CFAP299: variants seen among roughly 807,000 people sequenced by gnomAD.
The protein encoded by CFAP299 is cilia- and flagella-associated protein 299.
Under a neutral mutation model 27.0 loss-of-function variants are expected in CFAP299, and 21 were observed. That is an observed-to-expected ratio of 0.78 (90% CI 0.55 to 1.12). The LOEUF is 1.12. Ranked by LOEUF, CFAP299 falls within the 50% of genes most tolerant of loss-of-function variation. The probability of loss-of-function intolerance (pLI) is 0.00; values close to 1 mark genes in which losing one functional copy is unlikely to be tolerated. For synonymous variants in CFAP299, 104 were observed against 98.1 expected (o/e 1.06, Z -0.36); for missense variants, 310 against 276.6 (o/e 1.12, Z -0.86).
chr4:80,617,753 C>G (rs1482580219), intron 3 of CFAP299, among the ~76,000 whole-genome samples: 2 of 152,018 alleles, frequency 1.3e-5, no homozygotes, highest in African/African-American at 4.8e-5. Context: ...GATGAAAGAA[C>G]TAAGGGATAA....
intron 1 of CFAP299, among the ~76,000 whole-genome samples, chr4:80,357,079 A>G (rs748030046): frequency 6.6e-6 from 1 of 152,168 alleles, no homozygotes; most frequent in Non-Finnish European, 1.5e-5. Flanking sequence ...TCTTTTCTGC[A>G]TACTATTGAA....
intron 2 of CFAP299, among the ~76,000 whole-genome samples, chr4:80,517,437 G>A (rs1221735861): frequency 6.6e-6 from 1 of 152,126 alleles, no homozygotes; most frequent in African/African-American, 2.4e-5. Flanking sequence ...CTTTCCTGTT[G>A]TAACTGGAGA....
chr4:80,878,147 A>G (rs951383930), intron 4 of CFAP299, among the ~76,000 whole-genome samples: 29 of 152,140 alleles, frequency 1.9e-4, no homozygotes, highest in Non-Finnish European at 7.4e-5. Context: ...TATAAAAATT[A>G]CATTGCTTGT....
chr4:80,737,496 T>C (rs1382299277), intron 3 of CFAP299, among the ~76,000 whole-genome samples: 1 of 152,168 alleles, frequency 6.6e-6, no homozygotes, highest in Non-Finnish European at 1.5e-5. Context: ...TTTAGATTTC[T>C]TCATGGTTCA....
At position 80,465,804 on chromosome 4, in the gene CFAP299, T is replaced by C. The variant is rs529242936; in HGVS notation, c.242+102920T>C. Among the ~76,000 whole-genome samples the C allele has an allele frequency of 2.0e-5, 3 of 152,276 alleles. No individual in the cohort carries two copies. The South Asian group carries it at 6.2e-4, about 32-fold the overall frequency. On this transcript the variant is annotated intron_variant, in intron 2 of 5. Coordinates refer to ENST00000358105, the MANE Select transcript of CFAP299 (RefSeq NM_152770.3). ...CTTGTCCTCAACATTTTAACACTCTTTGAGCTGTTCTTTCATTGAACCTAC... is the reference window on the plus strand; with the variant it reads ...CTTGTCCTCAACATTTTAACACTCTCTGAGCTGTTCTTTCATTGAACCTAC...
intron 3 of CFAP299, among the ~76,000 whole-genome samples, chr4:80,695,899 C>A (rs1412017731): frequency 6.6e-6 from 1 of 152,002 alleles, no homozygotes; most frequent in Non-Finnish European, 1.5e-5. Context: ...ATCTGCTTAC[C>A]TTGGCTTCCC....
intron 4 of CFAP299, chr4:80,870,517 G>C (rs1018074259): frequency 1.0e-6 from 1 of 992,104 alleles, no homozygotes; most frequent in South Asian, 4.6e-5. Context: ...CCAAAGTGCT[G>C]GCCCCTGATC....
At chr4:80,466,024 TC>T (rs1458625523) in intron 2 of CFAP299, among the ~76,000 whole-genome samples, 1 of 152,324 alleles carries the variant, frequency 6.6e-6, no homozygotes, top group East Asian at 1.9e-4. Flanking sequence ...AAGAAAGAGA[TC>T]TTCACAGAGG....
intron 2 of CFAP299, chr4:80,387,772 G>T: frequency 1.3e-6 from 2 of 1,587,906 alleles, no homozygotes; most frequent in South Asian, 2.2e-5. Flanking sequence ...TTTGGTGAAT[G>T]ACTTGTCACA....
intron 3 of CFAP299, among the ~76,000 whole-genome samples, chr4:80,665,471 C>G (rs1741101237): frequency 6.6e-6 from 1 of 152,042 alleles, no homozygotes; most frequent in Non-Finnish European, 1.5e-5. Flanking sequence ...CAGTTCTTCT[C>G]TGTGTCCAGC....
At chr4:80,387,078 G>T in intron 2 of CFAP299, 2 of 1,439,958 alleles carry the variant, frequency 1.4e-6, no homozygotes, top group Non-Finnish European at 2.0e-6. Context: ...GTTGTGAGTG[G>T]CGGTCTGCAG....
chr4:80,446,687 A>G (rs1022650691), intron 2 of CFAP299, among the ~76,000 whole-genome samples: 1 of 152,156 alleles, frequency 6.6e-6, no homozygotes, highest in African/African-American at 2.4e-5. Context: ...GTAAGACTGA[A>G]CTGATTTTCT....
At chr4:80,818,074 C>T (rs1293884169) in intron 3 of CFAP299, among the ~76,000 whole-genome samples, 2 of 152,098 alleles carry the variant, frequency 1.3e-5, no homozygotes, top group African/African-American at 4.8e-5. Context: ...TATCATTCAG[C>T]TCCCACTTAT....
At chr4:80,440,264 C>T (rs1026665751) in intron 2 of CFAP299, among the ~76,000 whole-genome samples, 3 of 152,168 alleles carry the variant, frequency 2.0e-5, no homozygotes, top group African/African-American at 7.2e-5. Flanking sequence ...CAGGGAGACA[C>T]CTCCCAGCAG....
intron 4 of CFAP299, among the ~76,000 whole-genome samples, chr4:80,906,732 C>CTGGAACTGA (rs1233366633): frequency 6.6e-6 from 1 of 152,156 alleles, no homozygotes; most frequent in Non-Finnish European, 1.5e-5. Context: ...CCCTTTTAGC[C>CTGGAACTGA]ATGGCTGGAA....
chr4:80,770,630 A>G (rs974211034), intron 3 of CFAP299, among the ~76,000 whole-genome samples: 27 of 152,226 alleles, frequency 1.8e-4, no homozygotes, highest in African/African-American at 4.8e-4. Flanking sequence ...ATTTATAAAA[A>G]ATGTGTATAC....
At chr4:80,896,910 A>G (rs1177168303) in intron 4 of CFAP299, among the ~76,000 whole-genome samples, 1 of 152,214 alleles carries the variant, frequency 6.6e-6, no homozygotes, top group Non-Finnish European at 1.5e-5. Flanking sequence ...ATATTAATGC[A>G]TCTGATTAAG....
At chr4:80,501,903 G>C (rs1474039044) in intron 2 of CFAP299, among the ~76,000 whole-genome samples, 1 of 151,738 alleles carries the variant, frequency 6.6e-6, no homozygotes, top group Admixed American at 6.6e-5. Flanking sequence ...TATGTTTCTT[G>C]TTTCTGCTCA....
intron 2 of CFAP299, among the ~76,000 whole-genome samples, chr4:80,509,832 G>A (rs1170952912): frequency 6.6e-6 from 1 of 151,686 alleles, no homozygotes; most frequent in Non-Finnish European, 1.5e-5. Context: ...AAAACTGATT[G>A]CCTGGCCATC....
Sources: allele counts gnomAD v4.1 joint callset (sites outside exome capture counted in the v4.1 genomes callset), GRCh38; gene constraint gnomAD v4.1.1; transcripts MANE v1.5; gene names NCBI Gene and HGNC (gene_info 2026-07-23, HGNC 2026-07-21).